Variants in GALNS observed in about 807,000 individuals in gnomAD.
GALNS encodes the protein galactosamine (N-acetyl)-6-sulfatase.
In GALNS, 65 loss-of-function variants were observed where a neutral mutation model predicts 65.9. The observed-to-expected ratio is 0.99, with a 90% CI of 0.81 to 1.21. The LOEUF is 1.21. Ranked by LOEUF, GALNS falls within the 50% of genes most tolerant of loss-of-function variation. GALNS has a pLI of 0.00. For missense variants in GALNS, 776 were observed against 700.7 expected (o/e 1.11, Z -1.21); for synonymous variants, 346 against 288.9 (o/e 1.20, Z -2.00).
chr16:88,813,943 T>C lies in GALNS; in HGVS notation c.*496A>G. The stretch of plus-strand genomic sequence containing the variant: ...CGTTCCCTTACTGTTTACATAAAAA[T>C]GCGGATTCACTGGGCCAGACTCAAT... On this transcript the variant is annotated 3_prime_UTR_variant, in exon 14 of 14. Coordinates refer to ENST00000268695, the MANE Select transcript of GALNS (RefSeq NM_000512.5). 4.9e-6 allele frequency: 1 copy of C among 203,586 alleles called. No homozygotes were observed. Among genetic ancestry groups the C allele is most frequent in the East Asian group, 1.2e-4 (1 of 8,566 alleles). 12.6% of individuals were successfully genotyped at this position (203,586 alleles called of 1,614,324 possible).
At chr16:88,822,847 G>A (rs1910387449) in intron 11 of GALNS, 137 bp from the exon 12 acceptor site, 1 of 1,315,132 alleles carries the variant, frequency 7.6e-7, no homozygotes, top group East Asian at 2.7e-5. Flanking sequence ...CCCCTAACTG[G>A]GGGCCGTGGG....
intron 1 of GALNS, among the ~76,000 whole-genome samples, chr16:88,850,866 G>A (rs981648700): frequency 5.9e-5 from 9 of 152,238 alleles, no homozygotes; most frequent in Non-Finnish European, 5.9e-5. Flanking sequence ...GAGGATGCTG[G>A]GCATAAATCG....
At chr16:88,829,068 G>A (rs543611694) in intron 9 of GALNS, among the ~76,000 whole-genome samples, 4 of 144,466 alleles carry the variant, frequency 2.8e-5, no homozygotes, top group South Asian at 2.3e-4. Context: ...CACGGGTCCC[G>A]AGTCTCATGC....
intron 11 of GALNS, among the ~76,000 whole-genome samples, chr16:88,823,749 G>A (rs1242087204): frequency 5.6e-5 from 8 of 142,282 alleles, no homozygotes; most frequent in African/African-American, 1.9e-4. Context: ...CCCGGGGAAC[G>A]ATGCCCAGGA....
intron 12 of GALNS, among the ~76,000 whole-genome samples, chr16:88,819,685 C>A (rs191058061): frequency 1.3e-5 from 2 of 152,052 alleles, no homozygotes; most frequent in Admixed American, 6.6e-5. Context: ...GATCACTGTG[C>A]CTGGCTAATT....
intron 9 of GALNS, among the ~76,000 whole-genome samples, chr16:88,829,023 G>C (rs1911213899): frequency 1.1e-5 from 1 of 91,908 alleles, no homozygotes; most frequent in Non-Finnish European, 2.6e-5. Flanking sequence ...GACCTACGCG[G>C]GTCCCGAGTC....
chr16:88,851,224 C>A (rs936766231), intron 1 of GALNS, among the ~76,000 whole-genome samples: 4 of 152,168 alleles, frequency 2.6e-5, no homozygotes, highest in Admixed American at 6.6e-5. Flanking sequence ...CCTTAAAAGT[C>A]CTAAAAGGGC....
chr16:88,822,447 G>T, intron 12 of GALNS, 142 bp downstream of exon 12: 1 of 1,113,698 alleles, frequency 9.0e-7, no homozygotes, highest in Non-Finnish European at 1.3e-6. Flanking sequence ...CACCAAGCAC[G>T]TGTGGGTATG....
At position 88,818,807 on chromosome 16, in the gene GALNS, C is replaced by T. The variant is rs764630041; in HGVS notation, c.1365-683G>A. 4.0e-4 allele frequency among the ~76,000 whole-genome samples: 61 copies of T among 152,266 alleles called. 1 individual carries two copies. Among genetic ancestry groups the T allele is most frequent in the Non-Finnish European group, 8.2e-4 (56 of 68,044 alleles). ...TATCGACAACATCCACATAAAAAGA[C>T]ACCTGCCATCGCTGCCATAGCGGAG... On this transcript the variant is annotated intron_variant, in intron 12 of 13. Transcript: ENST00000268695.
intron 1 of GALNS, among the ~76,000 whole-genome samples, chr16:88,850,151 C>T (rs183819835): frequency 1.1e-4 from 16 of 152,336 alleles, no homozygotes; most frequent in East Asian, 1.9e-4. Context: ...GCAGGTGGGC[C>T]GGGGGCACAA....
rs145798311 is a variant in GALNS at position 88,842,769 on chromosome 16, G to C, written c.181C>G (p.Arg61Gly). 6.2e-7 allele frequency: 1 copy of C among 1,613,132 alleles called. No individual in the cohort carries two copies. The highest frequency in any genetic ancestry group is 8.5e-7 in the Non-Finnish European group (1 of 1,179,810). ...AAAAGCAGCCCTTCTGCAGCCATCC[G>C]GTCCAAATTCGGGGTCTCTCTGGAG... ...EPSRETPNLDRMAAEGLLFPN... is the reference protein window; with the variant it reads ...EPSRETPNLDGMAAEGLLFPN... The change falls in exon 2 of 14, where the codon CGG becomes GGG. Residue 61 changes from arginine to glycine, a missense_variant. Coordinates refer to ENST00000268695, the MANE Select transcript of GALNS (RefSeq NM_000512.5).
chr16:88,839,622 C>G (rs1209492354), intron 4 of GALNS, among the ~76,000 whole-genome samples: 1 of 152,174 alleles, frequency 6.6e-6, no homozygotes, highest in Non-Finnish European at 1.5e-5. Context: ...GAGAGGGGAC[C>G]CTGCTGGGAT....
chr16:88,831,229 CGGGGTGCGTGGGG>C (rs1567526216), intron 9 of GALNS, among the ~76,000 whole-genome samples: 1 of 150,784 alleles, frequency 6.6e-6, no homozygotes, highest in East Asian at 2.0e-4. Flanking sequence ...AGGCCGAGCA[CGGGGTGCGTGGGG>C]AGGAGAGCGG....
chr16:88,833,329 G>A (rs1253795863), intron 8 of GALNS, among the ~76,000 whole-genome samples: 2 of 152,152 alleles, frequency 1.3e-5, no homozygotes, highest in East Asian at 3.9e-4. Context: ...CAGAACCTGT[G>A]AAGGGACAAT....
At chr16:88,828,489 C>G (rs900892161) in intron 9 of GALNS, among the ~76,000 whole-genome samples, 8 of 152,252 alleles carry the variant, frequency 5.3e-5, no homozygotes, top group African/African-American at 1.9e-4. Context: ...CCAGAGGGAA[C>G]TGTCGGGACA....
chr16:88,821,329 C>G (rs943320500), intron 12 of GALNS, among the ~76,000 whole-genome samples: 2 of 152,186 alleles, frequency 1.3e-5, no homozygotes, highest in Non-Finnish European at 2.9e-5. Flanking sequence ...TTCACCATGT[C>G]TGTGTCTCCT....
intron 1 of GALNS, among the ~76,000 whole-genome samples, chr16:88,849,664 T>C (rs1208819213): frequency 6.6e-6 from 1 of 152,104 alleles, no homozygotes; most frequent in Non-Finnish European, 1.5e-5. Flanking sequence ...GCTCAAGCAG[T>C]CCACCCGCCT....
At chr16:88,822,907 G>T (rs1466723223) in intron 11 of GALNS, among the ~76,000 whole-genome samples, 197 bp from the exon 12 acceptor site, 2 of 152,204 alleles carry the variant, frequency 1.3e-5, no homozygotes, top group African/African-American at 4.8e-5. Context: ...TCAGCATGGT[G>T]CAGGGCGCTG....
intron 1 of GALNS, among the ~76,000 whole-genome samples, chr16:88,851,662 T>C (rs1967514826): frequency 6.6e-6 from 1 of 152,096 alleles, no homozygotes. Context: ...GCCCAAATAG[T>C]GCGCTTTTCC....
Sources: allele counts gnomAD v4.1 joint callset (sites outside exome capture counted in the v4.1 genomes callset), GRCh38; gene constraint gnomAD v4.1.1; transcripts MANE v1.5; gene names NCBI Gene and HGNC (gene_info 2026-07-23, HGNC 2026-07-21).